The following CCDC171 variants were observed in gnomAD, a reference collection of about 807,000 sequenced individuals.
CCDC171 encodes the protein coiled-coil domain containing 171, also known as coiled-coil domain-containing protein 171.
CCDC171 carries 177 observed loss-of-function variants against 168.2 expected under a neutral mutation model. The ratio of observed to expected loss-of-function variants is 1.05; its 90% CI spans 0.93 to 1.19. CCDC171 has a LOEUF of 1.19. CCDC171 is among the 50% of genes most tolerant of loss of function. CCDC171 has a pLI of 0.00. For missense variants in CCDC171, 1,991 were observed against 1,539.0 expected, an observed-to-expected ratio of 1.29 and a Z score of -4.91; for synonymous variants, 687 against 540.8, an observed-to-expected ratio of 1.27 and a Z score of -3.75.
At chr9:15,866,401 T>A (rs1208877366) in intron 23 of CCDC171, among the ~76,000 whole-genome samples, 1 of 151,826 alleles carries the variant, frequency 6.6e-6, no homozygotes, top group African/African-American at 2.4e-5. Flanking sequence ...TGATGGTAGG[T>A]GGTGTCAGAA....
chr9:15,894,345 G>A (rs1360218913), intron 24 of CCDC171, among the ~76,000 whole-genome samples: 2 of 151,984 alleles, frequency 1.3e-5, no homozygotes, highest in African/African-American at 2.4e-5. Context: ...CCTAGGTGAT[G>A]GGATGATCTG....
chr9:16,074,403 G>C, the CCDC171 span, among the ~76,000 whole-genome samples: 1 of 152,132 alleles, frequency 6.6e-6, no homozygotes, highest in Non-Finnish European at 1.5e-5. Context: ...CAGAAGTTGG[G>C]CTAATTTCCT....
chr9:15,832,060 C>T (rs140605554), intron 21 of CCDC171, among the ~76,000 whole-genome samples: 98 of 151,952 alleles, frequency 6.4e-4, no homozygotes, highest in African/African-American at 2.1e-3. Flanking sequence ...AGGAATTTTC[C>T]TTAGGGTGTC....
intron 11 of CCDC171, among the ~76,000 whole-genome samples, chr9:15,709,651 A>T (rs1217128609): frequency 1.3e-5 from 2 of 152,196 alleles, no homozygotes; most frequent in Non-Finnish European, 2.9e-5. Context: ...CCTGCATTTA[A>T]ATATATTTTT....
intron 25 of CCDC171, among the ~76,000 whole-genome samples, chr9:15,950,665 A>G (rs1052893004): frequency 2.6e-5 from 4 of 152,136 alleles, no homozygotes; most frequent in Non-Finnish European, 4.4e-5. Context: ...GCCGCTGCAA[A>G]ATCATGCCAA....
chr9:15,739,472 G>T (rs1021387399), intron 16 of CCDC171, among the ~76,000 whole-genome samples: 1 of 152,090 alleles, frequency 6.6e-6, no homozygotes, highest in East Asian at 1.9e-4. Flanking sequence ...GATAAACCCA[G>T]CTGAAGGAGT....
intron 3 of CCDC171, among the ~76,000 whole-genome samples, chr9:16,015,386 G>C (rs13298860): frequency 5.3e-5 from 8 of 151,930 alleles, no homozygotes; most frequent in Non-Finnish European, 8.8e-5. Context: ...TGTTGTGGCT[G>C]GTTTAGTCTT....
intron 1 of CCDC171, among the ~76,000 whole-genome samples, chr9:16,043,204 A>T (rs1002031546): frequency 1.8e-4 from 27 of 152,218 alleles, no homozygotes; most frequent in Admixed American, 1.7e-3. Context: ...TATTATTTGC[A>T]AATGTTTATT....
chr9:15,777,626 T>C lies in CCDC171; in HGVS notation c.2698T>C (p.Leu900=). Residue 900 remains leucine (L), a synonymous_variant, in exon 19 of 26, where the codon TTA becomes CTA. Transcript: ENST00000380701. ...ADPNSRICGH[L]LIGAAKNSFA... is the part of the protein sequence containing the mutation. ...TCCAAATTCCAGAATTTGTGGACATTTACTCATAGGTGCAGCCAAGAATTC... is the reference window on the plus strand; with the variant it reads ...TCCAAATTCCAGAATTTGTGGACATCTACTCATAGGTGCAGCCAAGAATTC... 1.9e-6 allele frequency: 3 copies of C among 1,609,252 alleles called. No homozygotes were observed. Among genetic ancestry groups the C allele is most frequent in the Non-Finnish European group, 2.5e-6 (3 of 1,178,942 alleles).
At chr9:16,020,291 C>A (rs1833126502) in intron 3 of CCDC171, among the ~76,000 whole-genome samples, 1 of 152,166 alleles carries the variant, frequency 6.6e-6, no homozygotes, top group Admixed American at 6.5e-5. Flanking sequence ...TGGGTCCTAT[C>A]CCCAAGATAT....
In CCDC171 at chr9:15,744,680, A is replaced by C. The variant is rs764897694; in HGVS notation, c.2457A>C (p.Gln819His). ...CAAACAGACTCAAGATTTTGGGCCA[A>C]TCATGTGCCTCTCTTTTTACCTGGA... ...LAANRLKILG[Q>H]SCASLFTWME... is the part of the protein sequence containing the mutation. Residue 819 changes from glutamine to histidine, a missense_variant, in exon 17 of 26, where the codon CAA (glutamine) becomes CAC (histidine). Transcript: ENST00000380701. 3.9e-5 allele frequency: 63 copies of C among 1,614,040 alleles called. No individual in the cohort carries two copies. The highest frequency in any genetic ancestry group is 5.0e-5 in the Non-Finnish European group (59 of 1,180,028).
At chr9:15,879,096 A>C (rs1818250718) in intron 24 of CCDC171, among the ~76,000 whole-genome samples, 1 of 152,192 alleles carries the variant, frequency 6.6e-6, no homozygotes, top group African/African-American at 2.4e-5. Flanking sequence ...ACAAGCCTGC[A>C]TATTTACCTC....
downstream of CCDC171, among the ~76,000 whole-genome samples, chr9:16,066,400 CCT>C (rs1464503106): frequency 6.6e-6 from 1 of 152,006 alleles, no homozygotes; most frequent in Non-Finnish European, 1.5e-5. Flanking sequence ...GGAAAAATCC[CCT>C]GTCATGCCAC....
At chr9:15,956,572 T>G (rs1165708743) in intron 25 of CCDC171, among the ~76,000 whole-genome samples, 2 of 152,150 alleles carry the variant, frequency 1.3e-5, no homozygotes, top group Admixed American at 1.3e-4. Flanking sequence ...ATTTTCAGAG[T>G]GCAAATAAAT....
intron 1 of CCDC171, among the ~76,000 whole-genome samples, chr9:16,047,573 C>A (rs939422524): frequency 6.6e-6 from 1 of 152,176 alleles, no homozygotes; most frequent in Non-Finnish European, 1.5e-5. Flanking sequence ...TGACCATCAC[C>A]AAATTCTATT....
chr9:15,944,392 G>T (rs908427605), intron 25 of CCDC171, among the ~76,000 whole-genome samples: 1 of 151,946 alleles, frequency 6.6e-6, no homozygotes, highest in Admixed American at 6.6e-5. Context: ...GAGCCAGAGG[G>T]TTGCTAAAAT....
intron 6 of CCDC171, among the ~76,000 whole-genome samples, chr9:15,595,418 G>A (rs183724062): frequency 1.3e-5 from 2 of 152,170 alleles, no homozygotes; most frequent in African/African-American, 2.4e-5. Context: ...TTCTCCTTGC[G>A]ATAGTTTGCT....
At chr9:15,827,061 A>G (rs908004615) in intron 21 of CCDC171, among the ~76,000 whole-genome samples, 2 of 152,198 alleles carry the variant, frequency 1.3e-5, no homozygotes, top group African/African-American at 2.4e-5. Flanking sequence ...TGGATGGGCT[A>G]TGAGCTTGCT....
chr9:15,566,873 T>A (rs974072521), intron 2 of CCDC171, among the ~76,000 whole-genome samples: 1 of 152,202 alleles, frequency 6.6e-6, no homozygotes, highest in Non-Finnish European at 1.5e-5. Flanking sequence ...AATTTGTCTC[T>A]TTGCATGTGC....
Sources: gnomAD v4.1 joint callset for allele counts (sites outside exome capture counted in the v4.1 genomes callset) on GRCh38, gnomAD v4.1.1 for gene constraint, MANE v1.5 for transcripts, NCBI Gene and HGNC (gene_info 2026-07-23, HGNC 2026-07-21) for gene names.